The following COL18A1 variants were observed in gnomAD, a reference collection of about 807,000 sequenced individuals.
COL18A1 encodes the protein collagen alpha-1(XVIII) chain.
COL18A1 carries 133 observed loss-of-function variants against 168.0 expected under a neutral mutation model. The observed-to-expected ratio is 0.79, with a 90% CI of 0.69 to 0.91. The LOEUF is 0.91. COL18A1 is among the 40% of genes least tolerant of loss of function. The pLI, the probability that COL18A1 is intolerant of heterozygous loss-of-function variation, is 0.00. For missense variants in COL18A1, 2,126 were observed against 1,925.4 expected (o/e 1.10, Z -1.95); for synonymous variants, 949 against 809.0 (o/e 1.17, Z -2.94).
At chr21:45,481,485 G>C (rs936155681) in intron 13 of COL18A1, among the ~76,000 whole-genome samples, 12 of 152,180 alleles carry the variant, frequency 7.9e-5, no homozygotes, top group African/African-American at 2.9e-4. Flanking sequence ...TGTGGGGTTA[G>C]GTCACCCATG....
intron 41 of COL18A1, among the ~76,000 whole-genome samples, 184 bp from the exon 42 acceptor site, chr21:45,512,004 G>A (rs1300825396): frequency 1.3e-5 from 2 of 152,182 alleles, no homozygotes; most frequent in Non-Finnish European, 1.5e-5. Context: ...CAGTCTGGGA[G>A]ATGCAGCCCC....
At chr21:45,510,352 T>C in intron 40 of COL18A1, 91 bp downstream of exon 40, 1 of 1,375,960 alleles carries the variant, frequency 7.3e-7, no homozygotes, top group Non-Finnish European at 1.0e-6. Flanking sequence ...CTCTAGGGCC[T>C]CTGGAGGCCA....
chr21:45,437,669 G>C (rs61724225), intron 2 of COL18A1, among the ~76,000 whole-genome samples: 39 of 12,032 alleles, frequency 3.2e-3, no homozygotes, highest in Non-Finnish European at 3.9e-3. Context: ...CACACACTCA[G>C]ACACACAGGC....
chr21:45,480,514 C>T lies in COL18A1; in HGVS notation c.1446C>T (p.Ala482=). The change falls in exon 12 of 42, where the codon GCC becomes GCT. Residue 482 remains alanine (A), a synonymous_variant. Transcript: ENST00000651438. Reference sequence around the variant, plus strand: ...CTGGCTTCGGGGGCGATCTGGAGGCCCTGCGGGTGAGTGGCCCTTAAACTG... The same window carrying T: ...CTGGCTTCGGGGGCGATCTGGAGGCTCTGCGGGTGAGTGGCCCTTAAACTG... The part of the protein sequence containing the change: ...EGSGFGGDLE[A]LRGPRGFPGP... The T allele has an allele frequency of 6.2e-7, 1 of 1,614,108 alleles. No homozygotes were observed. Among genetic ancestry groups the T allele is most frequent in the South Asian group, 1.1e-5 (1 of 91,078 alleles).
intron 32 of COL18A1, among the ~76,000 whole-genome samples, chr21:45,501,174 T>G (rs941842658): frequency 1.3e-5 from 2 of 151,928 alleles, no homozygotes; most frequent in African/African-American, 4.8e-5. Context: ...AAATGTTCAT[T>G]GAGACAACGG....
At chr21:45,504,248 C>A in intron 33 of COL18A1, 168 bp from the exon 34 acceptor site, 1 of 877,364 alleles carries the variant, frequency 1.1e-6, no homozygotes, top group Non-Finnish European at 1.8e-6. Flanking sequence ...GGGGACTCGG[C>A]TGATGCAGTG....
chr21:45,480,032 C>T (rs781397674), intron 10 of COL18A1, 38 bp from the exon 11 acceptor site: 11 of 1,610,084 alleles, frequency 6.8e-6, no homozygotes, highest in African/African-American at 2.7e-5. Flanking sequence ...GGGCTGTGTG[C>T]GTGCCCAGGG....
intron 38 of COL18A1, among the ~76,000 whole-genome samples, chr21:45,508,198 GTGGGTGAGTGTATGAA>G (rs2037343258): frequency 6.7e-6 from 1 of 150,108 alleles, no homozygotes; most frequent in South Asian, 2.1e-4. Context: ...TGGTGGACAG[GTGGGTGAGTGTATGAA>G]TGGGTGGGTG....
intron 2 of COL18A1, among the ~76,000 whole-genome samples, chr21:45,436,375 C>T (rs868511660): frequency 2.6e-5 from 4 of 152,338 alleles, no homozygotes; most frequent in Middle Eastern, 6.8e-3. Context: ...GTGAGCTGGG[C>T]AGGGACGAGG....
intron 9 of COL18A1, 116 bp downstream of exon 9, chr21:45,478,469 A>G (rs2035763179): frequency 3.6e-6 from 5 of 1,377,460 alleles, no homozygotes; most frequent in South Asian, 3.5e-5. Flanking sequence ...ACTGTACAGC[A>G]AAACCATTTT....
intron 32 of COL18A1, among the ~76,000 whole-genome samples, chr21:45,499,679 G>A (rs1049107073): frequency 5.9e-5 from 9 of 152,222 alleles, no homozygotes; most frequent in Admixed American, 2.6e-4. Flanking sequence ...AGAGGTTCCC[G>A]TGGTCTCAGC....
In COL18A1 at chr21:45,498,544, G is replaced by C. The variant is rs1419674874; in HGVS notation, c.2683+883G>C. The C allele has an allele frequency of 2.1e-5, 15 of 716,770 alleles. 2 individuals are homozygous for C. The highest frequency in any genetic ancestry group is 2.0e-4 in the Admixed American group (10 of 49,996). The allele number at this position is 716,770 out of a possible 1,614,324, so 44.4% of individuals were successfully genotyped here. A position where few individuals can be genotyped will look rare whatever the true frequency, so the allele number is the denominator to read the frequency against. On this transcript the variant is annotated intron_variant, in intron 32 of 41. Coordinates refer to ENST00000651438, the MANE Select transcript of COL18A1 (RefSeq NM_001379500.1). The surrounding 1 kb of genome is among the most constrained non-coding windows in gnomAD (Gnocchi z 4.5). The stretch of plus-strand genomic sequence containing the variant: ...AGGCCGCCATACCTGCTCTTGCTGG[G>C]GCTGCACTCTGGGGTGGGAAGGGAC...
chr21:45,422,384 C>A, intron 2 of COL18A1: 1 of 486,706 alleles, frequency 2.1e-6, no homozygotes, highest in South Asian at 1.5e-5. Flanking sequence ...GATGGCGGGG[C>A]CTCGCCTGTG....
In COL18A1 at chr21:45,477,762, G is replaced by A. The variant is rs775276656; in HGVS notation, c.1018G>A (p.Gly340Arg). 6.3e-5 allele frequency: 97 copies of A among 1,540,974 alleles called. No homozygotes were observed. The highest frequency in any genetic ancestry group is 1.2e-5 in the Non-Finnish European group (14 of 1,143,116). Residue 340 changes from glycine (G) to arginine (R), a missense_variant, in exon 8 of 42, where the codon GGG (glycine) becomes AGG (arginine). Transcript: ENST00000651438. Reference protein sequence around the residue: ...GGRVKEGGLKGQKGEPGVPGP... With the variant: ...GGRVKEGGLKRQKGEPGVPGP... ...TGTTTATTCCCAGGGCGGCCTGAAG[G>A]GGCAGAAAGGGGAGCCAGGTGTTCC...
In COL18A1 at chr21:45,508,009, A is replaced by ATGGG. The variant is rs1192463250; in HGVS notation, c.3249+420_3249+423dup. 6.7e-5 allele frequency among the ~76,000 whole-genome samples: 10 copies of ATGGG among 149,536 alleles called. No individual in the cohort carries two copies. The Middle Eastern group carries it at 0.014, about 211-fold the overall frequency. ...AATCAATGGGGAGGTGGATGGATGG[A>ATGGG]TGGGTGGATGGAGAGGTGGGTGAGT... On this transcript the variant is annotated intron_variant, in intron 38 of 41. Coordinates refer to ENST00000651438, the MANE Select transcript of COL18A1 (RefSeq NM_001379500.1).
At chr21:45,476,505 TGTGTGTG>T (rs1206899482) in intron 6 of COL18A1, 25 bp downstream of exon 6, 11 of 1,574,600 alleles carry the variant, frequency 7.0e-6, no homozygotes, top group Non-Finnish European at 9.5e-6. Context: ...GGATGTGGTG[TGTGTGTG>T]GTGTGGGGTG....
chr21:45,497,291 T>A (rs1286865806), intron 31 of COL18A1, among the ~76,000 whole-genome samples, 199 bp downstream of exon 31: 1 of 152,240 alleles, frequency 6.6e-6, no homozygotes, highest in Non-Finnish European at 1.5e-5. Flanking sequence ...GACCTGACCT[T>A]GGGGTGGCCC....
intron 33 of COL18A1, 124 bp from the exon 34 acceptor site, chr21:45,504,292 C>A: frequency 9.8e-7 from 1 of 1,019,000 alleles, no homozygotes; most frequent in South Asian, 1.6e-5. Flanking sequence ...TCTATGCAGC[C>A]AGCAGCTCCC....
chr21:45,459,980 G>C (rs573585298), intron 2 of COL18A1, among the ~76,000 whole-genome samples: 48 of 152,164 alleles, frequency 3.2e-4, no homozygotes, highest in Non-Finnish European at 4.7e-4. Flanking sequence ...CCCTGGGACC[G>C]GAGGCAGGTG....
Sources: gnomAD v4.1 joint callset for allele counts (sites outside exome capture counted in the v4.1 genomes callset) on GRCh38, gnomAD v4.1.1 for gene constraint, Gnocchi (gnomAD v3.1) non-coding constraint, MANE v1.5 for transcripts, NCBI Gene and HGNC (gene_info 2026-07-23, HGNC 2026-07-21) for gene names.